MBOAT1: variants seen among roughly 807,000 people sequenced by gnomAD.
MBOAT1 encodes the protein membrane bound glycerophospholipid O-acyltransferase 1, also known as membrane-bound glycerophospholipid O-acyltransferase 1.
Under a neutral mutation model 64.4 loss-of-function variants are expected in MBOAT1, and 67 were observed. The observed-to-expected ratio is 1.04, with a 90% CI of 0.85 to 1.27. MBOAT1 has a LOEUF of 1.27. MBOAT1 is among the 50% of genes most tolerant of loss of function. The probability of loss-of-function intolerance (pLI) is 0.00; values close to 1 mark genes in which losing one functional copy is unlikely to be tolerated. For synonymous variants in MBOAT1, 229 were observed against 218.9 expected (o/e 1.05, Z -0.41); for missense variants, 563 against 604.6 (o/e 0.93, Z 0.72).
intron 7 of MBOAT1, 133 bp downstream of exon 7, chr6:20,126,384 T>C (rs955554820): frequency 2.6e-6 from 2 of 757,132 alleles, no homozygotes; most frequent in African/African-American, 1.8e-5. Context: ...GTAACTATAC[T>C]GGTATTTTAA....
chr6:20,109,934 G>C, intron 11 of MBOAT1, among the ~76,000 whole-genome samples, 185 bp from the exon 12 acceptor site: 1 of 126,378 alleles, frequency 7.9e-6, no homozygotes, highest in Non-Finnish European at 1.6e-5. Context: ...TTTTGAGATG[G>C]AGTCTCGCTC....
rs931896736 is a variant in MBOAT1, at chr6:20,100,922, T to C, written c.*1364A>G. On this transcript the variant is annotated 3_prime_UTR_variant, in exon 13 of 13. Coordinates refer to ENST00000324607, the MANE Select transcript of MBOAT1 (RefSeq NM_001080480.3). ...CAATAGAAGTCTCCAAAAGGGGCCATAGCACATTCATAACAAAGATAGAAA... is the reference window on the plus strand; with the variant it reads ...CAATAGAAGTCTCCAAAAGGGGCCACAGCACATTCATAACAAAGATAGAAA... Among the ~76,000 whole-genome samples, 2 of 152,164 alleles carry C rather than the reference T, an allele frequency of 1.3e-5. No homozygotes were observed. The highest frequency in any genetic ancestry group is 2.4e-5 in the African/African-American group (1 of 41,436).
chr6:20,163,419 C>T (rs1761921589), intron 1 of MBOAT1, among the ~76,000 whole-genome samples: 1 of 152,172 alleles, frequency 6.6e-6, no homozygotes, highest in Non-Finnish European at 1.5e-5. Flanking sequence ...CTGCTGACTA[C>T]CTCCCAGGAA....
intron 1 of MBOAT1, among the ~76,000 whole-genome samples, chr6:20,185,105 C>G (rs1248147980): frequency 6.6e-6 from 1 of 151,944 alleles, no homozygotes; most frequent in Non-Finnish European, 1.5e-5. Context: ...ATTTAATTAG[C>G]TGGGCACAGT....
intron 1 of MBOAT1, 142 bp from the exon 2 acceptor site, chr6:20,152,911 C>T (rs780442818): frequency 4.9e-5 from 39 of 790,208 alleles, no homozygotes; most frequent in Non-Finnish European, 7.1e-5. Flanking sequence ...CGGCTCACTG[C>T]AAGCTCCGCC....
chr6:20,160,888 C>T (rs80252395), intron 1 of MBOAT1, among the ~76,000 whole-genome samples: 2,360 of 152,298 alleles, frequency 0.015, 54 homozygotes, highest in African/African-American at 0.054. Context: ...TCTAAAGAGC[C>T]TTCTTTTTCC....
rs755445070 is a variant in MBOAT1 at position 20,126,639 on chromosome 6, C to T, written c.592G>A (p.Gly198Ser). ...YLLNFMSVIA[G>S]PCNNFKDYIA... is the part of the protein sequence containing the mutation. ...TAGTCCTTGAAATTGTTACAAGGAC[C>T]AGCTATGACACTCATGAAATTGAGA... The change falls in exon 7 of 13, where the codon GGT becomes AGT. Residue 198 changes from glycine to serine, a missense_variant. By Grantham distance (56) the Gly-to-Ser change is moderately conservative (BLOSUM62 0). Coordinates refer to ENST00000324607, the MANE Select transcript of MBOAT1 (RefSeq NM_001080480.3). The T allele has an allele frequency of 5.0e-6, 8 of 1,613,514 alleles. No homozygotes were observed. In the South Asian group the frequency reaches 7.7e-5, roughly 16 times the overall value.
chr6:20,113,007 C>A lies in MBOAT1; in HGVS notation c.1078G>T (p.Val360Leu), dbSNP rs1368317517. The A allele has an allele frequency of 1.9e-6, 3 of 1,612,528 alleles. No individual in the cohort carries two copies. Among genetic ancestry groups the A allele is most frequent in the Non-Finnish European group, 2.5e-6 (3 of 1,179,406 alleles). The stretch of plus-strand genomic sequence containing the variant: ...TACCATGGAACCCGCTGATAGCACA[C>A]ACTGTGAAGAGAGGAAGGAACAAGA... ...NIQTATWLKC[V>L]CYQRVPWYPT... The change falls in exon 11 of 13, where the codon GTG becomes TTG. Residue 360 changes from valine (V) to leucine (L), a missense_variant and splice_region_variant. Physicochemically the swap from Val to Leu is conservative, Grantham distance 32 (BLOSUM62 1). Coordinates refer to ENST00000324607, the MANE Select transcript of MBOAT1 (RefSeq NM_001080480.3).
chr6:20,207,602 C>T (rs768554243), intron 1 of MBOAT1, among the ~76,000 whole-genome samples: 3 of 152,138 alleles, frequency 2.0e-5, no homozygotes, highest in Non-Finnish European at 4.4e-5. Flanking sequence ...CATTTCAAGA[C>T]AGGTGAAAAT....
At chr6:20,149,179 C>G (rs949791764) in intron 3 of MBOAT1, among the ~76,000 whole-genome samples, 1 of 151,838 alleles carries the variant, frequency 6.6e-6, no homozygotes. Context: ...GATGGCAGAG[C>G]CCCCTGCTAC....
chr6:20,159,178 T>C (rs1252181595), intron 1 of MBOAT1, among the ~76,000 whole-genome samples: 1 of 152,096 alleles, frequency 6.6e-6, no homozygotes, highest in Non-Finnish European at 1.5e-5. Flanking sequence ...GGGCCAGTAC[T>C]GGTCCATGGC....
chr6:20,115,507 C>A (rs1240537121), intron 9 of MBOAT1, among the ~76,000 whole-genome samples, 155 bp from the exon 10 acceptor site: 1 of 152,176 alleles, frequency 6.6e-6, no homozygotes, highest in African/African-American at 2.4e-5. Context: ...CTACACAGGA[C>A]AATTTTCTGC....
At chr6:20,124,823 G>A (rs1179794591) in intron 7 of MBOAT1, among the ~76,000 whole-genome samples, 2 of 152,192 alleles carry the variant, frequency 1.3e-5, no homozygotes, top group Admixed American at 1.3e-4. Flanking sequence ...GGGGTTGAAT[G>A]TATCTAGACT....
At chr6:20,172,340 A>C (rs964982508) in intron 1 of MBOAT1, among the ~76,000 whole-genome samples, 2 of 151,942 alleles carry the variant, frequency 1.3e-5, no homozygotes, top group Non-Finnish European at 2.9e-5. Context: ...GAGGGATGAG[A>C]CTCTCTTGAA....
intron 9 of MBOAT1, among the ~76,000 whole-genome samples, chr6:20,116,648 C>G (rs1449353761): frequency 3.9e-5 from 6 of 152,178 alleles, no homozygotes; most frequent in Non-Finnish European, 7.4e-5. Flanking sequence ...ATAAGCCCAG[C>G]CTCAGGGTGT....
chr6:20,102,887 G>T (rs13218743), intron 12 of MBOAT1, among the ~76,000 whole-genome samples: 10 of 152,164 alleles, frequency 6.6e-5, no homozygotes, highest in Admixed American at 2.6e-4. Flanking sequence ...CGTAGCCATC[G>T]TAATGTCATA....
intron 11 of MBOAT1, among the ~76,000 whole-genome samples, chr6:20,111,657 C>T (rs1760139857): frequency 6.6e-6 from 1 of 151,444 alleles, no homozygotes; most frequent in South Asian, 2.1e-4. Flanking sequence ...GGCCTGACCA[C>T]TTGTTCTTTA....
At chr6:20,118,182 G>A (rs528776585) in intron 9 of MBOAT1, among the ~76,000 whole-genome samples, 2 of 152,092 alleles carry the variant, frequency 1.3e-5, no homozygotes, top group East Asian at 3.9e-4. Flanking sequence ...GATTTTCCGG[G>A]CTCTTTTTCA....
chr6:20,195,223 G>A (rs145274396), intron 1 of MBOAT1, among the ~76,000 whole-genome samples: 1 of 152,270 alleles, frequency 6.6e-6, no homozygotes, highest in African/African-American at 2.4e-5. Context: ...AAAGTGCTAG[G>A]ATTACAGGCA....
Sources: gnomAD v4.1 joint callset for allele counts (sites outside exome capture counted in the v4.1 genomes callset) on GRCh38, gnomAD v4.1.1 for gene constraint, MANE v1.5 for transcripts, NCBI Gene and HGNC (gene_info 2026-07-23, HGNC 2026-07-21) for gene names.